Variants in TGM7 observed in about 807,000 individuals in gnomAD.
TGM7 encodes transglutaminase 7, also known as protein-glutamine gamma-glutamyltransferase Z.
Under a neutral mutation model 79.5 loss-of-function variants are expected in TGM7, and 74 were observed. The ratio of observed to expected loss-of-function variants is 0.93; its 90% CI spans 0.77 to 1.13. The LOEUF (loss-of-function observed/expected upper bound fraction) is 1.13. Ranked by LOEUF, TGM7 falls within the 50% of genes most tolerant of loss-of-function variation. The pLI, the probability that TGM7 is intolerant of heterozygous loss-of-function variation, is 0.00. For missense variants in TGM7, 912 were observed against 905.9 expected, an observed-to-expected ratio of 1.01 and a Z score of -0.09; for synonymous variants, 354 against 362.5, an observed-to-expected ratio of 0.98 and a Z score of 0.27.
Position 43,292,897 on chromosome 15 carries a change from T to C in TGM7, c.251A>G (p.Gln84Arg). ...AGAAGCGCTCCAGACATTCCCGGGC[T>C]GGACCCGGGTGAGGAAGAATGTGGC... Reference protein sequence around the residue: ...TRATFFLTRVQPGNVWSASDF... With the variant: ...TRATFFLTRVRPGNVWSASDF... Residue 84 changes from glutamine (Q) to arginine (R), a missense_variant, in exon 3 of 13, where the codon CAG becomes CGG. Transcript: ENST00000452443. 1 of 1,613,884 alleles carries C rather than the reference T, an allele frequency of 6.2e-7. No individual in the cohort carries two copies. The highest frequency in any genetic ancestry group is 8.5e-7 in the Non-Finnish European group (1 of 1,179,966).
chr15:43,279,424 A>G, intron 10 of TGM7, 147 bp from the exon 11 acceptor site: 1 of 1,150,012 alleles, frequency 8.7e-7, no homozygotes, highest in Non-Finnish European at 1.2e-6. Flanking sequence ...CACCACGCAC[A>G]CACTGTCCCC....
chr15:43,282,399 C>T (rs1284256404), intron 8 of TGM7, 118 bp downstream of exon 8: 2 of 909,118 alleles, frequency 2.2e-6, no homozygotes, highest in African/African-American at 3.3e-5. Context: ...TCAGCTGGGA[C>T]CTCGGGAAGA....
chr15:43,284,653 A>G (rs1349269906), intron 7 of TGM7, among the ~76,000 whole-genome samples, 161 bp downstream of exon 7: 3 of 152,250 alleles, frequency 2.0e-5, no homozygotes, highest in Non-Finnish European at 4.4e-5. Context: ...CTAATTAGCC[A>G]GAACAGCCTC....
At chr15:43,302,218 G>GT in intron 1 of TGM7, 23 bp downstream of exon 1, 1 of 1,614,076 alleles carries the variant, frequency 6.2e-7, no homozygotes, top group Non-Finnish European at 8.5e-7. Context: ...CTCCGAAAAG[G>GT]TAAGTCGATT....
At chr15:43,290,389 C>A (rs1317821185) in intron 4 of TGM7, among the ~76,000 whole-genome samples, 8 of 152,226 alleles carry the variant, frequency 5.3e-5, no homozygotes, top group African/African-American at 9.6e-5. Context: ...ATGCAGCATT[C>A]TTTCTGAGGG....
chr15:43,277,022 A>G, intron 11 of TGM7, 27 bp from the exon 12 acceptor site: 1 of 1,611,422 alleles, frequency 6.2e-7, no homozygotes, highest in Non-Finnish European at 8.5e-7. Context: ...CAGCAATCCC[A>G]TGGGCAACTG....
chr15:43,302,241 C>G lies in TGM7; in HGVS notation c.10G>C (p.Val4Leu), dbSNP rs2043028682. The G allele has an allele frequency of 6.2e-7, 1 of 1,614,064 alleles. No homozygotes were observed. The highest frequency in any genetic ancestry group is 8.5e-7 in the Non-Finnish European group (1 of 1,180,038). Residue 4 changes from valine (V) to leucine (L), a missense_variant and splice_region_variant, in exon 1 of 13, where the codon GTG (valine) becomes CTG (leucine). Coordinates refer to ENST00000452443, the MANE Select transcript of TGM7 (RefSeq NM_052955.3). Reference sequence around the variant, plus strand: ...AGGTAAGTCGATTCCCAGTACTCACCCTGATCCATCTCCCTCCTTCTCCTG... The same window carrying G: ...AGGTAAGTCGATTCCCAGTACTCACGCTGATCCATCTCCCTCCTTCTCCTG... Reference protein sequence around the residue: MDQVATLRLESVDL... With the variant: MDQLATLRLESVDL...
Position 43,297,712 on chromosome 15 carries a change from A to T in TGM7, c.11-4081T>A, listed in dbSNP as rs74798548. Among the ~76,000 whole-genome samples the T allele has an allele frequency of 9.3e-3, 1,418 of 152,332 alleles. 20 individuals are homozygous for T. Among genetic ancestry groups the T allele is most frequent in the African/African-American group, 0.032 (1,346 of 41,568 alleles). On this transcript the variant is annotated intron_variant, in intron 1 of 12. Coordinates refer to ENST00000452443, the MANE Select transcript of TGM7 (RefSeq NM_052955.3). ...CGCGATGCAAAGCTCCTGTCCTCTG[A>T]CACCAAAACCCAAGACAGCCCTGCC...
chr15:43,282,662 G>T, intron 7 of TGM7, 42 bp from the exon 8 acceptor site: 2 of 1,486,156 alleles, frequency 1.3e-6, no homozygotes, highest in Non-Finnish European at 1.8e-6. Context: ...TGTTAGCTGA[G>T]GTTTTGCCAG....
At position 43,290,939 on chromosome 15, in the gene TGM7, T is replaced by C. The variant is rs201846167; in HGVS notation, c.558+1040A>G. Among the ~76,000 whole-genome samples, 35 of 152,326 alleles carry C rather than the reference T, an allele frequency of 2.3e-4. No individual in the cohort carries two copies. In the East Asian group the frequency reaches 5.4e-3, roughly 23 times the overall value. On this transcript the variant is annotated intron_variant, in intron 4 of 12. Transcript: ENST00000452443. Reference sequence around the variant, plus strand: ...GTATCCTGAGATATTGCTGAAGTTGTCTATCAGCTTAAGGAGATTTTGGGC... The same window carrying C: ...GTATCCTGAGATATTGCTGAAGTTGCCTATCAGCTTAAGGAGATTTTGGGC...
chr15:43,276,501 A>T lies in TGM7; in HGVS notation c.2087T>A (p.Ile696Asn). 1 of 1,614,056 alleles carries T rather than the reference A, an allele frequency of 6.2e-7. No individual in the cohort carries two copies. Among genetic ancestry groups the T allele is most frequent in the Non-Finnish European group, 8.5e-7 (1 of 1,179,966 alleles). ...VLISSNEVKEIKGYKDIFVTV... is the reference protein window; with the variant it reads ...VLISSNEVKENKGYKDIFVTV... ...GACGAAGATGTCCTTGTAGCCTTTG[A>T]TCTCCTTGACCTCGTTGCTGCTGAT... The change falls in exon 13 of 13, where the codon ATC (isoleucine) becomes AAC (asparagine). Residue 696 changes from isoleucine to asparagine, a missense_variant. Physicochemically the swap from Ile to Asn is moderately radical, Grantham distance 149 (BLOSUM62 -3). Coordinates refer to ENST00000452443, the MANE Select transcript of TGM7 (RefSeq NM_052955.3).
chr15:43,292,723 T>C lies in TGM7; in HGVS notation c.425A>G (p.Asn142Ser), dbSNP rs2042969601. ...YPLGTFILLF[N>S]PWSPEDDVYL... ...GCACATCCTACCTGGACTCCAAGGG[T>C]TAAAAAGTAGGATGAAAGTTCCCAG... Residue 142 changes from asparagine (N) to serine (S), a missense_variant, in exon 3 of 13, where the codon AAC becomes AGC. Physicochemically the swap from Asn to Ser is conservative, Grantham distance 46. Coordinates refer to ENST00000452443, the MANE Select transcript of TGM7 (RefSeq NM_052955.3). 1 of 1,613,882 alleles carries C rather than the reference T, an allele frequency of 6.2e-7. No homozygotes were observed. The highest frequency in any genetic ancestry group is 1.3e-5 in the African/African-American group (1 of 74,892).
chr15:43,293,033 G>T (rs1360020482), intron 2 of TGM7, 79 bp from the exon 3 acceptor site: 1 of 1,546,570 alleles, frequency 6.5e-7, no homozygotes, highest in Non-Finnish European at 8.7e-7. Flanking sequence ...CGGAAGGACC[G>T]TCACCTTCTC....
intron 1 of TGM7, among the ~76,000 whole-genome samples, chr15:43,300,010 A>T (rs2043018248): frequency 6.6e-6 from 1 of 152,174 alleles, no homozygotes. Context: ...ACTAGCCCAT[A>T]AATAAACTGC....
At chr15:43,278,286 A>C (rs2042888181) in intron 11 of TGM7, among the ~76,000 whole-genome samples, 1 of 151,906 alleles carries the variant, frequency 6.6e-6, no homozygotes, top group Admixed American at 6.5e-5. Flanking sequence ...GGGAAGGAAA[A>C]CCCTGGTAGC....
chr15:43,293,044 C>T, intron 2 of TGM7, 90 bp from the exon 3 acceptor site: 6 of 1,526,096 alleles, frequency 3.9e-6, no homozygotes, highest in Non-Finnish European at 5.3e-6. Flanking sequence ...TCACCTTCTC[C>T]CACCACCTGC....
intron 9 of TGM7, among the ~76,000 whole-genome samples, chr15:43,281,052 C>A (rs1052049992): frequency 6.6e-6 from 1 of 152,210 alleles, no homozygotes; most frequent in Non-Finnish European, 1.5e-5. Flanking sequence ...ACATTTGTGC[C>A]GCCTCCAACA....
At chr15:43,289,474 G>T (rs574715168) in intron 4 of TGM7, among the ~76,000 whole-genome samples, 2 of 152,108 alleles carry the variant, frequency 1.3e-5, no homozygotes, top group African/African-American at 2.4e-5. Context: ...TGTTGGACAT[G>T]TGGGTTGGTT....
At chr15:43,285,275 G>A (rs1474403034) in intron 6 of TGM7, among the ~76,000 whole-genome samples, 1 of 152,206 alleles carries the variant, frequency 6.6e-6, no homozygotes, top group African/African-American at 2.4e-5. Context: ...GGTGGCTTAC[G>A]CCTGTAATCC....
Sources: gnomAD v4.1 joint callset for allele counts (sites outside exome capture counted in the v4.1 genomes callset) on GRCh38, gnomAD v4.1.1 for gene constraint, MANE v1.5 for transcripts, NCBI Gene and HGNC (gene_info 2026-07-23, HGNC 2026-07-21) for gene names.